Variants in KCNIP4 observed in about 807,000 individuals in gnomAD.
The protein encoded by KCNIP4 is Kv channel-interacting protein 4.
Under a neutral mutation model 34.0 loss-of-function variants are expected in KCNIP4, and 12 were observed. That is an observed-to-expected ratio of 0.35 (90% CI 0.23 to 0.57). The LOEUF is 0.57. KCNIP4 is among the 20% of genes least tolerant of loss of function. The pLI, the probability that KCNIP4 is intolerant of heterozygous loss-of-function variation, is 0.83. For missense variants in KCNIP4, 238 were observed against 311.7 expected (o/e 0.76, Z 1.78); for synonymous variants, 124 against 102.2 (o/e 1.21, Z -1.29).
At chr4:21,634,014 A>G (rs1745940831) in intron 1 of KCNIP4, among the ~76,000 whole-genome samples, 1 of 152,016 alleles carries the variant, frequency 6.6e-6, no homozygotes, top group Non-Finnish European at 1.5e-5. Flanking sequence ...TACATTTATT[A>G]GCAAAAGAAG....
chr4:21,829,086 A>G (rs1722831363), intron 1 of KCNIP4, among the ~76,000 whole-genome samples: 1 of 152,072 alleles, frequency 6.6e-6, no homozygotes, highest in Admixed American at 6.6e-5. Context: ...GCAACACAGC[A>G]GACAGTCCCC....
intron 1 of KCNIP4, among the ~76,000 whole-genome samples, chr4:21,528,765 A>AAGAGAGAAAGAAAGAG: frequency 8.6e-5 from 1 of 11,690 alleles, no homozygotes; most frequent in Non-Finnish European, 1.7e-4. Flanking sequence ...GAAAGAAAGA[A>AAGAGAGAAAGAAAGAG]AGAAAGAAAG....
chr4:21,702,569 G>T (rs1043326908), intron 1 of KCNIP4, among the ~76,000 whole-genome samples: 6 of 151,744 alleles, frequency 4.0e-5, no homozygotes, highest in African/African-American at 1.5e-4. Flanking sequence ...AATTTGAATA[G>T]CTTTATACCT....
chr4:21,601,200 C>A (rs11730697), intron 1 of KCNIP4, among the ~76,000 whole-genome samples: 132,567 of 151,790 alleles, frequency 0.87, 58,164 homozygotes, highest in East Asian at 0.99. Context: ...AAACTATCAT[C>A]AAACCAAATC....
chr4:20,803,470 CAAAAAAAAA>C (rs551176038), intron 3 of KCNIP4, among the ~76,000 whole-genome samples: 30 of 85,884 alleles, frequency 3.5e-4, no homozygotes, highest in African/African-American at 1.4e-3. Flanking sequence ...TCATCTTTAC[CAAAAAAAAA>C]AAAAAAAAAA....
At chr4:20,930,992 A>C (rs1048526515) in intron 1 of KCNIP4, among the ~76,000 whole-genome samples, 1 of 152,064 alleles carries the variant, frequency 6.6e-6, no homozygotes, top group African/African-American at 2.4e-5. Context: ...GCAATGACCC[A>C]ACAATACCTT....
At chr4:21,620,631 G>T (rs1448506749) in intron 1 of KCNIP4, among the ~76,000 whole-genome samples, 1 of 152,054 alleles carries the variant, frequency 6.6e-6, no homozygotes, top group Non-Finnish European at 1.5e-5. Flanking sequence ...AAATGAAAAA[G>T]AAAAAATAGC....
intron 1 of KCNIP4, among the ~76,000 whole-genome samples, chr4:21,482,776 G>C (rs992337332): frequency 1.3e-5 from 2 of 151,966 alleles, no homozygotes; most frequent in African/African-American, 4.8e-5. Flanking sequence ...TGGTGAATCT[G>C]ACAATTATGT....
intron 1 of KCNIP4, among the ~76,000 whole-genome samples, chr4:21,524,752 G>A (rs1735831674): frequency 1.3e-5 from 2 of 151,736 alleles, no homozygotes; most frequent in Admixed American, 1.3e-4. Context: ...AGATTGTAAG[G>A]GCCATGAAAG....
chr4:21,943,269 G>A (rs1037662667), intron 1 of KCNIP4, among the ~76,000 whole-genome samples: 7 of 152,150 alleles, frequency 4.6e-5, no homozygotes, highest in African/African-American at 1.7e-4. Context: ...TAATTATTTG[G>A]GGAGGAGTCA....
chr4:20,998,420 G>A (rs76045431), intron 1 of KCNIP4, among the ~76,000 whole-genome samples: 6,659 of 152,262 alleles, frequency 0.044, 207 homozygotes, highest in Middle Eastern at 0.1. Context: ...GAATATAAAA[G>A]ATAATAGTTA....
intron 1 of KCNIP4, among the ~76,000 whole-genome samples, chr4:21,327,009 A>G (rs2109314739): frequency 6.6e-6 from 1 of 152,080 alleles, no homozygotes; most frequent in Non-Finnish European, 1.5e-5. Flanking sequence ...TGTCTTAAAA[A>G]GTTGCTGCAG....
chr4:20,757,094 G>T (rs982329134), intron 4 of KCNIP4, among the ~76,000 whole-genome samples: 1 of 151,908 alleles, frequency 6.6e-6, no homozygotes, highest in South Asian at 2.1e-4. Context: ...GATCATTATC[G>T]CCCTATTCCT....
At chr4:21,174,946 C>T (rs562043300) in intron 1 of KCNIP4, among the ~76,000 whole-genome samples, 9 of 150,986 alleles carry the variant, frequency 6.0e-5, no homozygotes, top group Non-Finnish European at 1.3e-4. Context: ...TATGTTAACT[C>T]ATATTATTTT....
chr4:21,595,856 G>C (rs145349179), intron 1 of KCNIP4, among the ~76,000 whole-genome samples: 1 of 152,162 alleles, frequency 6.6e-6, no homozygotes, highest in East Asian at 1.9e-4. Flanking sequence ...TGACTTCTCT[G>C]TTCAGCCTCA....
At chr4:21,247,999 ACACACC>A (rs150168836) in intron 1 of KCNIP4, among the ~76,000 whole-genome samples, 72 of 105,242 alleles carry the variant, frequency 6.8e-4, no homozygotes, top group African/African-American at 3.4e-3. Context: ...ACACACACAC[ACACACC>A]CCCCACAGGT....
chr4:20,867,790 A>G (rs1723021885), intron 2 of KCNIP4, among the ~76,000 whole-genome samples: 1 of 152,202 alleles, frequency 6.6e-6, no homozygotes, highest in East Asian at 1.9e-4. Context: ...ACAAAAAACC[A>G]AACACTGCAT....
At chr4:21,517,816 C>T (rs1365339760) in intron 1 of KCNIP4, among the ~76,000 whole-genome samples, 5 of 152,122 alleles carry the variant, frequency 3.3e-5, no homozygotes, top group Non-Finnish European at 5.9e-5. Context: ...CACTAGTGCA[C>T]CTGTGCTTGG....
rs4292324 is a variant in KCNIP4, at chr4:20,984,273, G to A, written c.62-101564C>T. Among the ~76,000 whole-genome samples, 945 of 152,352 alleles carry A rather than the reference G, an allele frequency of 6.2e-3. 14 individuals carry two copies. Among genetic ancestry groups the A allele is most frequent in the African/African-American group, 0.022 (897 of 41,584 alleles). On this transcript the variant is annotated intron_variant, in intron 1 of 8. Coordinates refer to ENST00000382152, the MANE Select transcript of KCNIP4 (RefSeq NM_025221.6). ...GAACTGGAGACTTTGCAGTGTCCGT[G>A]GCGAGAAGGGACACTCCTAGGAAAC...
Sources: allele counts gnomAD v4.1 joint callset (sites outside exome capture counted in the v4.1 genomes callset), GRCh38; gene constraint gnomAD v4.1.1; transcripts MANE v1.5; gene names NCBI Gene and HGNC (gene_info 2026-07-23, HGNC 2026-07-21).